The following GRIK2 variants were observed in gnomAD, a reference collection of about 807,000 sequenced individuals.
GRIK2 encodes glutamate receptor ionotropic, kainate 2.
A neutral mutation model predicts 100.3 loss-of-function variants in GRIK2; 32 were observed. The observed-to-expected ratio is 0.32, with a 90% confidence interval of 0.24 to 0.43. The LOEUF (loss-of-function observed/expected upper bound fraction) is 0.43. Ranked by LOEUF, GRIK2 falls within the 20% of genes least tolerant of loss-of-function variation. GRIK2 has a pLI of 1.00. For missense variants in GRIK2, 843 were observed against 1,114.9 expected (o/e 0.76, Z 3.47); for synonymous variants, 417 against 389.4 (o/e 1.07, Z -0.83).
At chr6:101,873,416 G>C (rs1300219549) in intron 11 of GRIK2, among the ~76,000 whole-genome samples, 1 of 151,792 alleles carries the variant, frequency 6.6e-6, no homozygotes, top group East Asian at 1.9e-4. Flanking sequence ...CCCTACAAAG[G>C]ACATGAACTC....
chr6:101,461,994 A>G (rs952885652), intron 2 of GRIK2, among the ~76,000 whole-genome samples: 2 of 152,194 alleles, frequency 1.3e-5, no homozygotes, highest in Non-Finnish European at 2.9e-5. Context: ...CTGGTTTTCA[A>G]TCTCAGTTCT....
At chr6:101,840,567 A>G (rs1424839485) in intron 10 of GRIK2, among the ~76,000 whole-genome samples, 2 of 152,238 alleles carry the variant, frequency 1.3e-5, no homozygotes, top group African/African-American at 4.8e-5. Context: ...GCATCACTGG[A>G]ATCAGTGCTT....
At chr6:101,985,575 G>A (rs1793974448) in intron 14 of GRIK2, among the ~76,000 whole-genome samples, 2 of 151,734 alleles carry the variant, frequency 1.3e-5, no homozygotes, top group Non-Finnish European at 2.9e-5. Flanking sequence ...AGCACAGTTT[G>A]TCCATAAACG....
intron 1 of GRIK2, among the ~76,000 whole-genome samples, chr6:101,397,892 AAGTT>A (rs1210189210): frequency 6.6e-6 from 1 of 152,062 alleles, no homozygotes; most frequent in Admixed American, 6.5e-5. Flanking sequence ...TTTATTATAC[AAGTT>A]AGTTTTACTT....
intron 2 of GRIK2, among the ~76,000 whole-genome samples, chr6:101,524,397 T>C (rs979190006): frequency 6.6e-6 from 1 of 152,012 alleles, no homozygotes; most frequent in African/African-American, 2.4e-5. Context: ...TATATATATA[T>C]ATATATATCA....
At chr6:101,987,304 C>T (rs1258689600) in intron 14 of GRIK2, among the ~76,000 whole-genome samples, 1 of 151,718 alleles carries the variant, frequency 6.6e-6, no homozygotes, top group East Asian at 1.9e-4. Flanking sequence ...TACATTGGTT[C>T]TTTAGAATCA....
chr6:101,826,104 G>A (rs1485301246), intron 10 of GRIK2, among the ~76,000 whole-genome samples: 1 of 148,108 alleles, frequency 6.8e-6, no homozygotes, highest in African/African-American at 2.7e-5. Flanking sequence ...AGATTCCTCA[G>A]TCCCTTTAAA....
At chr6:101,659,063 C>T (rs1348395312) in intron 4 of GRIK2, among the ~76,000 whole-genome samples, 1 of 152,088 alleles carries the variant, frequency 6.6e-6, no homozygotes, top group African/African-American at 2.4e-5. Context: ...GCTTTTGTTG[C>T]CATTGCTTTT....
intron 7 of GRIK2, among the ~76,000 whole-genome samples, chr6:101,731,631 C>A (rs1775276479): frequency 6.6e-6 from 1 of 151,688 alleles, no homozygotes; most frequent in Non-Finnish European, 1.5e-5. Flanking sequence ...TAAAAATGAA[C>A]ACATTTTAAA....
chr6:101,641,990 A>G (rs1038452870), intron 4 of GRIK2, among the ~76,000 whole-genome samples: 2 of 151,936 alleles, frequency 1.3e-5, no homozygotes, highest in African/African-American at 2.4e-5. Flanking sequence ...AGTTTAATTT[A>G]TTGTTGTAAC....
chr6:102,001,717 A>G (rs1355724349), intron 14 of GRIK2, among the ~76,000 whole-genome samples: 1 of 151,962 alleles, frequency 6.6e-6, no homozygotes, highest in Non-Finnish European at 1.5e-5. Context: ...GTGTAGTGCT[A>G]CTGCTTCACA....
chr6:101,961,952 G>A (rs1792331127), intron 14 of GRIK2, among the ~76,000 whole-genome samples: 1 of 152,112 alleles, frequency 6.6e-6, no homozygotes, highest in Non-Finnish European at 1.5e-5. Context: ...TGGGTCTTGA[G>A]AGTGGAGGGA....
intron 2 of GRIK2, among the ~76,000 whole-genome samples, chr6:101,556,739 A>C (rs1015300166): frequency 3.3e-5 from 5 of 152,160 alleles, no homozygotes; most frequent in Admixed American, 3.3e-4. Context: ...CAGGTGTGGG[A>C]TATGGTAAGC....
chr6:101,918,816 A>G (rs958655789), intron 12 of GRIK2, among the ~76,000 whole-genome samples: 7 of 151,754 alleles, frequency 4.6e-5, no homozygotes, highest in African/African-American at 1.2e-4. Flanking sequence ...TTAAAAGTCC[A>G]TCTCTCAAAG....
intron 7 of GRIK2, among the ~76,000 whole-genome samples, chr6:101,772,844 G>A (rs1778491790): frequency 6.6e-6 from 1 of 152,016 alleles, no homozygotes; most frequent in African/African-American, 2.4e-5. Context: ...CCCTGCATAT[G>A]GCATTGCATT....
chr6:101,626,217 G>A (rs528004851), intron 3 of GRIK2, among the ~76,000 whole-genome samples, 163 bp from the exon 4 acceptor site: 2 of 152,252 alleles, frequency 1.3e-5, no homozygotes, highest in South Asian at 4.1e-4. Context: ...AAAGTGTTCA[G>A]AGTCAGACAA....
At chr6:101,412,952 C>T (rs900568842) in intron 2 of GRIK2, among the ~76,000 whole-genome samples, 1 of 151,850 alleles carries the variant, frequency 6.6e-6, no homozygotes, top group Non-Finnish European at 1.5e-5. Context: ...ACCCGATAGC[C>T]ACAAGTAAAT....
In GRIK2 at chr6:101,489,452, TG is replaced by T. The variant is rs1042705577; in HGVS notation, c.115+90061del. ...TTATCCTCCCCCCGCCCGCCCACAC[TG>T]ATTCATTCATTTTTATTCTTGAGAA... is the stretch of plus-strand genomic sequence containing the variant. On this transcript the variant is annotated intron_variant, in intron 2 of 16. Transcript: ENST00000369134. Among the ~76,000 whole-genome samples, 39 of 145,650 alleles carry T rather than the reference TG, an allele frequency of 2.7e-4. 4 individuals are homozygous for T. Among genetic ancestry groups the T allele is most frequent in the Middle Eastern group, 3.6e-3 (1 of 280 alleles).
At chr6:101,860,289 T>C (rs1342215329) in intron 11 of GRIK2, among the ~76,000 whole-genome samples, 2 of 152,138 alleles carry the variant, frequency 1.3e-5, no homozygotes, top group African/African-American at 4.8e-5. Flanking sequence ...TTGGGAAGCA[T>C]AGTCTCTGGT....
Sources: allele counts gnomAD v4.1 joint callset (sites outside exome capture counted in the v4.1 genomes callset), GRCh38; gene constraint gnomAD v4.1.1; transcripts MANE v1.5; gene names NCBI Gene and HGNC (gene_info 2026-07-23, HGNC 2026-07-21).